Variants in ACSS2 observed in about 807,000 individuals in gnomAD.
ACSS2 encodes acetyl-coenzyme A synthetase, cytoplasmic.
Under a neutral mutation model 90.6 loss-of-function variants are expected in ACSS2, and 58 were observed. The observed-to-expected ratio is 0.64, with a 90% CI of 0.52 to 0.80. The LOEUF is 0.80. Ranked by LOEUF, ACSS2 falls within the 30% of genes least tolerant of loss-of-function variation. ACSS2 has a pLI of 0.00. For synonymous variants in ACSS2, 300 were observed against 330.9 expected (o/e 0.91, Z 1.01); for missense variants, 759 against 912.0 (o/e 0.83, Z 2.16).
At chr20:34,916,464 A>G (rs112125985) in intron 7 of ACSS2, among the ~76,000 whole-genome samples, 12 of 152,362 alleles carry the variant, frequency 7.9e-5, no homozygotes, top group African/African-American at 2.6e-4. Flanking sequence ...TTAATGCAAC[A>G]GACAGATTGG....
intron 7 of ACSS2, among the ~76,000 whole-genome samples, chr20:34,916,821 C>T (rs2081086293): frequency 6.6e-6 from 1 of 152,206 alleles, no homozygotes; most frequent in Admixed American, 6.5e-5. Flanking sequence ...TCAACCATAT[C>T]GTCTATGAGC....
At chr20:34,878,712 T>C (rs1336457151) in intron 1 of ACSS2, among the ~76,000 whole-genome samples, 3 of 152,152 alleles carry the variant, frequency 2.0e-5, no homozygotes, top group Admixed American at 1.3e-4. Context: ...AATACAGAAT[T>C]TCTACCAGGG....
At chr20:34,912,770 A>G (rs2080990667) in intron 2 of ACSS2, among the ~76,000 whole-genome samples, 1 of 152,248 alleles carries the variant, frequency 6.6e-6, no homozygotes, top group Non-Finnish European at 1.5e-5. Context: ...CCTCATCAGA[A>G]GGAATCACAT....
At chr20:34,921,193 G>T in intron 10 of ACSS2, 54 bp downstream of exon 10, 1 of 1,613,184 alleles carries the variant, frequency 6.2e-7, no homozygotes, top group Admixed American at 1.7e-5. Context: ...GCTGGGTGCT[G>T]GCCTTTGTAC....
At chr20:34,892,885 C>T (rs2080367851) in intron 2 of ACSS2, among the ~76,000 whole-genome samples, 1 of 152,124 alleles carries the variant, frequency 6.6e-6, no homozygotes, top group Non-Finnish European at 1.5e-5. Context: ...CTGATCTAGT[C>T]CAGTGTTCTT....
rs753698996 is a variant in ACSS2 at position 34,913,542 on chromosome 20, T to C, written c.570+46T>C. 3.8e-6 allele frequency: 6 copies of C among 1,563,122 alleles called. No homozygotes were observed. The African/African-American group carries it at 8.1e-5, about 21-fold the overall frequency. The stretch of plus-strand genomic sequence containing the variant: ...AAAGGGGCAGGCGGGGGGGTGGGGC[T>C]CTGGAGAAGTAGGTTGGGCCTAGAT... On this transcript the variant is annotated intron_variant, in intron 4 of 17. Coordinates refer to ENST00000360596, the MANE Select transcript of ACSS2 (RefSeq NM_018677.4).
In ACSS2 at chr20:34,923,373, C is replaced by T. The variant is rs748922670; in HGVS notation, c.1599C>T (p.His533=). The change falls in exon 14 of 18, where the codon CAC becomes CAT. Residue 533 remains histidine (H), a synonymous_variant. Coordinates refer to ENST00000360596, the MANE Select transcript of ACSS2 (RefSeq NM_018677.4). ...PGIMRTVYGN[H]ERFETTYFKK... The stretch of plus-strand genomic sequence containing the variant: ...TCATGCGCACAGTCTATGGGAACCA[C>T]GAACGCTTTGAGACAACCTACTTTA... The T allele has an allele frequency of 2.4e-5, 38 of 1,614,066 alleles. No individual in the cohort carries two copies. The highest frequency in any genetic ancestry group is 2.9e-5 in the Non-Finnish European group (34 of 1,180,042).
At chr20:34,890,197 TGAAAG>T (rs903177403) in intron 2 of ACSS2, among the ~76,000 whole-genome samples, 3 of 143,882 alleles carry the variant, frequency 2.1e-5, no homozygotes, top group Admixed American at 2.1e-4. Flanking sequence ...AGGGAGAAAG[TGAAAG>T]GAAAGAGTCA....
rs1487407299 is a variant in ACSS2 at position 34,876,711 on chromosome 20, C to A, written c.66C>A (p.Ala22=). 2.1e-6 allele frequency: 3 copies of A among 1,442,602 alleles called. No homozygotes were observed. Among genetic ancestry groups the A allele is most frequent in the South Asian group, 1.4e-5 (1 of 71,958 alleles). The allele number at this position is 1,442,602 out of a possible 1,614,324, so 89.4% of individuals were successfully genotyped here. A position where few individuals can be genotyped will look rare whatever the true frequency, so the allele number is the denominator to read the frequency against. ...GCCGGGGCCAGGAGGAAGCTGGAGC[C>A]GGAGGCCGGGCGCGGAGTTGGTCTC... is the stretch of plus-strand genomic sequence containing the variant. ...SGSRGQEEAG[A]GGRARSWSPP... Residue 22 remains alanine (A), a synonymous_variant, in exon 1 of 18, where the codon GCC becomes GCA. Coordinates refer to ENST00000360596, the MANE Select transcript of ACSS2 (RefSeq NM_018677.4).
chr20:34,921,228 A>G (rs1182984245), intron 10 of ACSS2, 89 bp downstream of exon 10: 14 of 1,606,814 alleles, frequency 8.7e-6, no homozygotes, highest in Admixed American at 1.7e-5. Context: ...CATTGTCCCA[A>G]CTCTCTGACC....
intron 7 of ACSS2, among the ~76,000 whole-genome samples, chr20:34,916,824 C>T (rs1742919227): frequency 6.6e-6 from 1 of 152,230 alleles, no homozygotes; most frequent in African/African-American, 2.4e-5. Flanking sequence ...ACCATATCGT[C>T]TATGAGCTCC....
intron 2 of ACSS2, among the ~76,000 whole-genome samples, chr20:34,884,954 C>T (rs1445473226): frequency 6.6e-6 from 1 of 151,998 alleles, no homozygotes; most frequent in East Asian, 1.9e-4. Context: ...AATCCCAGCA[C>T]TTTGGGAGAC....
intron 9 of ACSS2, 106 bp downstream of exon 9, chr20:34,920,815 C>G (rs1181712805): frequency 7.5e-6 from 11 of 1,474,448 alleles, no homozygotes; most frequent in Non-Finnish European, 9.2e-6. Flanking sequence ...ATACAATCAT[C>G]TGTTTTCTGG....
chr20:34,889,087 C>T (rs117868495), intron 2 of ACSS2, among the ~76,000 whole-genome samples: 8,869 of 151,088 alleles, frequency 0.059, 301 homozygotes, highest in East Asian at 0.078. Context: ...TCACTGCACC[C>T]GCCATCATGC....
intron 7 of ACSS2, among the ~76,000 whole-genome samples, chr20:34,918,896 T>C (rs2081132378): frequency 6.6e-6 from 1 of 152,154 alleles, no homozygotes; most frequent in Admixed American, 6.5e-5. Flanking sequence ...ATTGACTGAG[T>C]GCCAGGCACT....
At chr20:34,920,461 C>G in intron 8 of ACSS2, 78 bp from the exon 9 acceptor site, 6 of 1,456,232 alleles carry the variant, frequency 4.1e-6, no homozygotes, top group Non-Finnish European at 5.6e-6. Flanking sequence ...GGATCTTCCT[C>G]CAGCTCTGCC....
chr20:34,925,711 C>A lies in ACSS2; in HGVS notation c.1671C>A (p.Asp557Glu). Reference sequence around the variant, plus strand: ...ATTTCTTCCCAGGCTGCCAGCGGGACCAGGATGGCTATTACTGGATCACTG... The same window carrying A: ...ATTTCTTCCCAGGCTGCCAGCGGGAACAGGATGGCTATTACTGGATCACTG... ...YYVTGDGCQR[D>E]QDGYYWITGR... The change falls in exon 15 of 18, where the codon GAC (aspartate) becomes GAA (glutamate). Residue 557 changes from aspartate to glutamate, a missense_variant. Coordinates refer to ENST00000360596, the MANE Select transcript of ACSS2 (RefSeq NM_018677.4). The A allele has an allele frequency of 6.2e-7, 1 of 1,613,626 alleles. No individual in the cohort carries two copies. The highest frequency in any genetic ancestry group is 8.5e-7 in the Non-Finnish European group (1 of 1,179,846).
intron 2 of ACSS2, chr20:34,908,857 A>G: frequency 2.5e-6 from 1 of 405,856 alleles, no homozygotes; most frequent in Non-Finnish European, 4.8e-6. Context: ...GCAAAACTCC[A>G]TCTTGGGAAA....
intron 2 of ACSS2, among the ~76,000 whole-genome samples, chr20:34,902,394 T>A (rs181479255): frequency 6.6e-6 from 1 of 152,284 alleles, no homozygotes. Context: ...AAATAAGCAG[T>A]GTTATGATGA....
Sources: gnomAD v4.1 joint callset for allele counts (sites outside exome capture counted in the v4.1 genomes callset) on GRCh38, gnomAD v4.1.1 for gene constraint, MANE v1.5 for transcripts, NCBI Gene and HGNC (gene_info 2026-07-23, HGNC 2026-07-21) for gene names.